SVOPL: variants seen among roughly 807,000 people sequenced by gnomAD.
SVOPL encodes the protein SVOP like.
Under a neutral mutation model 61.0 loss-of-function variants are expected in SVOPL, and 60 were observed. The ratio of observed to expected loss-of-function variants is 0.98; its 90% confidence interval spans 0.80 to 1.22. SVOPL has a LOEUF of 1.22. Among genes scored for constraint, SVOPL ranks in the 50% most tolerant of loss-of-function variants. SVOPL has a pLI of 0.00. For synonymous variants in SVOPL, 279 were observed against 250.0 expected (o/e 1.12, Z -1.09); for missense variants, 662 against 643.9 (o/e 1.03, Z -0.30).
chr7:138,682,160 G>A (rs1004268919), intron 1 of SVOPL, among the ~76,000 whole-genome samples: 3 of 152,270 alleles, frequency 2.0e-5, no homozygotes, highest in East Asian at 1.9e-4. Flanking sequence ...AATCATGACT[G>A]TTTTGCACCT....
At chr7:138,619,235 C>A (rs1247038611) in intron 14 of SVOPL, among the ~76,000 whole-genome samples, 1 of 151,894 alleles carries the variant, frequency 6.6e-6, no homozygotes, top group African/African-American at 2.4e-5. Context: ...TAGTGAGACT[C>A]CATCTCTAAA....
intron 9 of SVOPL, among the ~76,000 whole-genome samples, chr7:138,642,033 TAG>T (rs1384439812): frequency 6.6e-6 from 1 of 150,574 alleles, no homozygotes; most frequent in Non-Finnish European, 1.5e-5. Flanking sequence ...AGAGGACAAA[TAG>T]AAAGTTTCAA....
intron 1 of SVOPL, chr7:138,689,512 T>C (rs918413319): frequency 4.4e-6 from 3 of 675,558 alleles, no homozygotes; most frequent in Non-Finnish European, 7.7e-6. Context: ...CAAAAACTTA[T>C]GACACGAGAG....
intron 4 of SVOPL, among the ~76,000 whole-genome samples, chr7:138,669,968 C>A (rs1802374955): frequency 6.6e-6 from 1 of 152,162 alleles, no homozygotes; most frequent in South Asian, 2.1e-4. Flanking sequence ...ACCTTTCTCT[C>A]CCCACCTGCT....
intron 12 of SVOPL, 55 bp from the exon 13 acceptor site, chr7:138,626,105 C>T (rs1799881428): frequency 1.9e-6 from 3 of 1,557,682 alleles, no homozygotes; most frequent in Non-Finnish European, 1.8e-6. Context: ...GGACCACCTC[C>T]AGTGGCCCAG....
chr7:138,686,030 A>C (rs1053725043), intron 1 of SVOPL, among the ~76,000 whole-genome samples: 3 of 152,124 alleles, frequency 2.0e-5, no homozygotes, highest in African/African-American at 4.8e-5. Flanking sequence ...TATGTCATTC[A>C]TGTCTCAATA....
At chr7:138,640,133 T>C (rs1002065696) in intron 9 of SVOPL, among the ~76,000 whole-genome samples, 5 of 151,844 alleles carry the variant, frequency 3.3e-5, no homozygotes, top group South Asian at 2.1e-4. Flanking sequence ...ACATGGAAAA[T>C]ACTAACCAAA....
intron 1 of SVOPL, among the ~76,000 whole-genome samples, chr7:138,688,050 C>T (rs1802859314): frequency 6.6e-6 from 1 of 152,140 alleles, no homozygotes; most frequent in African/African-American, 2.4e-5. Flanking sequence ...ATCCACCCGC[C>T]TCGGCCCCCC....
chr7:138,641,410 C>A lies in SVOPL; in HGVS notation c.789+3307G>T, dbSNP rs1235145311. ...CCTCAGCTGGGCGCGGGGCCTCACG[C>A]CTGTAATCCCAGCACTTTGGGAGGC... On this transcript the variant is annotated intron_variant, in intron 9 of 15. Transcript: ENST00000674285. Among the ~76,000 whole-genome samples the A allele has an allele frequency of 2.0e-5, 3 of 152,062 alleles. No individual in the cohort carries two copies. The East Asian group carries it at 5.8e-4, about 29-fold the overall frequency.
chr7:138,622,246 C>CTATG (rs1332300168), intron 13 of SVOPL, among the ~76,000 whole-genome samples: 1,718 of 106,592 alleles, frequency 0.016, 51 homozygotes, highest in Middle Eastern at 0.04. Flanking sequence ...ATCTATCTAT[C>CTATG]TATCTATGTA....
At chr7:138,660,968 T>A (rs552955180) in intron 5 of SVOPL, 3 of 982,778 alleles carry the variant, frequency 3.1e-6, no homozygotes, top group Non-Finnish European at 3.6e-6. Context: ...ATTTTGTTTT[T>A]GATAACTCCT....
intron 6 of SVOPL, among the ~76,000 whole-genome samples, chr7:138,658,506 C>T (rs975535425): frequency 2.0e-5 from 3 of 152,114 alleles, no homozygotes; most frequent in Admixed American, 6.5e-5. Flanking sequence ...GTCTTGAACT[C>T]CTGGGCTGAA....
At chr7:138,596,876 TTCTAAC>T (rs1798302380) in intron 14 of SVOPL, 2 of 1,093,014 alleles carry the variant, frequency 1.8e-6, no homozygotes, top group South Asian at 5.3e-5. Context: ...CTTGCTTAAC[TTCTAAC>T]TCTCACTTCA....
chr7:138,633,994 A>C (rs1436117657), intron 9 of SVOPL, among the ~76,000 whole-genome samples: 2 of 152,164 alleles, frequency 1.3e-5, no homozygotes, highest in African/African-American at 4.8e-5. Context: ...CATGGGTAGC[A>C]CTGCTGGTAT....
At chr7:138,652,397 G>A (rs1306229979) in intron 7 of SVOPL, among the ~76,000 whole-genome samples, 2 of 151,648 alleles carry the variant, frequency 1.3e-5, no homozygotes, top group Non-Finnish European at 2.9e-5. Flanking sequence ...GTGTTATCTA[G>A]GCTGGTCTCA....
chr7:138,677,010 T>A (rs1156251036), intron 3 of SVOPL, among the ~76,000 whole-genome samples: 1 of 149,326 alleles, frequency 6.7e-6, no homozygotes. Context: ...TTCACGCCAT[T>A]CTCCTGCCTC....
rs145071968 is a variant in SVOPL, at chr7:138,596,427, C to A, written c.1457G>T (p.Arg486Leu). ...CCCTGCATCACTCACCTGGAGGGCCCGTCCTTTGGTTTCGATGGGGAGAGT... is the reference window on the plus strand; with the variant it reads ...CCCTGCATCACTCACCTGGAGGGCCAGTCCTTTGGTTTCGATGGGGAGAGT... ...AFTLPIETKG[R>L]ALQQIK The change falls in exon 15 of 16, where the codon CGG (arginine) becomes CTG (leucine). Residue 486 changes from arginine to leucine, a missense_variant. Physicochemically the swap from Arg to Leu is moderately radical, Grantham distance 102. Transcript: ENST00000674285. 1.9e-6 allele frequency: 3 copies of A among 1,613,534 alleles called. No individual in the cohort carries two copies. The highest frequency in any genetic ancestry group is 2.7e-5 in the African/African-American group (2 of 74,876).
chr7:138,657,852 A>G (rs935432518), intron 6 of SVOPL, among the ~76,000 whole-genome samples: 16 of 152,290 alleles, frequency 1.1e-4, no homozygotes, highest in African/African-American at 3.6e-4. Context: ...AGAAGAGAAG[A>G]GCCCAAGGGG....
rs776225623 is a variant in SVOPL at position 138,663,098 on chromosome 7, C to T, written c.321G>A (p.Leu107=). ...YMVFSILFGL[L]ADRYGRWKIL... ...CCTTCCAGCGGCCATATCTGTCAGC[C>T]AGGAGGCCAAAGAGGATACTGAAAA... The change falls in exon 5 of 16, where the codon CTG becomes CTA. Residue 107 remains leucine (L), a synonymous_variant. Transcript: ENST00000674285. 6 of 1,614,168 alleles carry T rather than the reference C, an allele frequency of 3.7e-6. No individual in the cohort carries two copies. Among genetic ancestry groups the T allele is most frequent in the Non-Finnish European group, 5.1e-6 (6 of 1,180,030 alleles).
Sources: allele counts gnomAD v4.1 joint callset (sites outside exome capture counted in the v4.1 genomes callset), GRCh38; gene constraint gnomAD v4.1.1; transcripts MANE v1.5; gene names NCBI Gene and HGNC (gene_info 2026-07-23, HGNC 2026-07-21).